Variants in LYPD6B observed in about 807,000 individuals in gnomAD.
The protein encoded by LYPD6B is LY6/PLAUR domain containing 6B, also known as ly6/PLAUR domain-containing protein 6B.
LYPD6B carries 17 observed loss-of-function variants against 22.8 expected under a neutral mutation model. The observed-to-expected ratio is 0.75, with a 90% CI of 0.51 to 1.12. The LOEUF (loss-of-function observed/expected upper bound fraction) is 1.12. LYPD6B is among the 50% of genes most tolerant of loss of function. The probability of loss-of-function intolerance (pLI) is 0.00; values close to 1 mark genes in which losing one functional copy is unlikely to be tolerated. For missense variants in LYPD6B, 221 were observed against 258.3 expected (o/e 0.86, Z 0.99); for synonymous variants, 106 against 91.6 (o/e 1.16, Z -0.90).
intron 3 of LYPD6B, among the ~76,000 whole-genome samples, chr2:149,169,298 G>A (rs964878749): frequency 8.5e-5 from 13 of 152,060 alleles, no homozygotes; most frequent in African/African-American, 3.1e-4. Flanking sequence ...AAAGCCAAAG[G>A]CAAACTCATG....
intron 1 of LYPD6B, among the ~76,000 whole-genome samples, chr2:149,084,313 G>A (rs1685286291): frequency 6.6e-6 from 1 of 152,074 alleles, no homozygotes. Context: ...TGAGTTACTG[G>A]CATTCCTCTG....
At chr2:149,041,881 C>T (rs1226320969) in intron 1 of LYPD6B, among the ~76,000 whole-genome samples, 1 of 152,172 alleles carries the variant, frequency 6.6e-6, no homozygotes, top group East Asian at 1.9e-4. Flanking sequence ...TCTGAGTTTT[C>T]CATACTCCCA....
chr2:149,085,178 T>C (rs1197912806), intron 1 of LYPD6B, among the ~76,000 whole-genome samples: 1 of 152,218 alleles, frequency 6.6e-6, no homozygotes, highest in East Asian at 1.9e-4. Flanking sequence ...AGGTTGTCCA[T>C]TGCCCAGTTA....
chr2:149,215,135 A>T lies in LYPD6B; in HGVS notation c.*425A>T, dbSNP rs1165154651. On this transcript the variant is annotated 3_prime_UTR_variant, in exon 7 of 7. Coordinates refer to ENST00000409642, the MANE Select transcript of LYPD6B (RefSeq NM_177964.5). ...CTAACCCTTCCCCTCATGAGAAAGC[A>T]GTTTTCCCCACCAACAGCATAGTCA... 6.3e-6 allele frequency: 1 copy of T among 159,570 alleles called. No homozygotes were observed. Among genetic ancestry groups the T allele is most frequent in the African/African-American group, 2.4e-5 (1 of 41,772 alleles). 9.9% of individuals were successfully genotyped at this position (159,570 alleles called of 1,614,324 possible).
At chr2:149,111,010 A>T (rs1686731146) in intron 1 of LYPD6B, among the ~76,000 whole-genome samples, 1 of 152,180 alleles carries the variant, frequency 6.6e-6, no homozygotes, top group Non-Finnish European at 1.5e-5. Context: ...GAAGGACACT[A>T]CAGGTAAATG....
At chr2:149,129,158 T>C (rs1471061415) in intron 1 of LYPD6B, among the ~76,000 whole-genome samples, 1 of 152,218 alleles carries the variant, frequency 6.6e-6, no homozygotes, top group Non-Finnish European at 1.5e-5. Flanking sequence ...CTCTGCTGGT[T>C]ATCTGCCAGG....
chr2:149,189,545 A>G (rs1342840578), intron 3 of LYPD6B, among the ~76,000 whole-genome samples: 1 of 151,806 alleles, frequency 6.6e-6, no homozygotes, highest in African/African-American at 2.4e-5. Context: ...GAGTAGGGGC[A>G]AGATAGAAAT....
At chr2:149,114,140 G>A (rs1005968507) in intron 1 of LYPD6B, among the ~76,000 whole-genome samples, 5 of 152,068 alleles carry the variant, frequency 3.3e-5, no homozygotes, top group African/African-American at 1.2e-4. Context: ...TCACATACCA[G>A]CCTCTAAATT....
chr2:149,182,453 A>G (rs1691805099), intron 3 of LYPD6B, among the ~76,000 whole-genome samples: 1 of 152,366 alleles, frequency 6.6e-6, no homozygotes. Flanking sequence ...CCATTTAATC[A>G]TCAGATAAAT....
At chr2:149,136,426 G>A (rs1056206999) in intron 2 of LYPD6B, among the ~76,000 whole-genome samples, 3 of 152,206 alleles carry the variant, frequency 2.0e-5, no homozygotes, top group Admixed American at 6.5e-5. Context: ...CAGAGACTCC[G>A]AGTCTTCATT....
chr2:149,191,785 A>G (rs983691581), intron 3 of LYPD6B, among the ~76,000 whole-genome samples: 2 of 152,244 alleles, frequency 1.3e-5, no homozygotes, highest in Non-Finnish European at 2.9e-5. Context: ...ATCCCTAACG[A>G]AAGTACTAGT....
chr2:149,120,381 A>ATTTTTTTTTTT (rs1256956846), intron 1 of LYPD6B, among the ~76,000 whole-genome samples: 1 of 43,490 alleles, frequency 2.3e-5, no homozygotes, highest in South Asian at 9.3e-4. Flanking sequence ...ATATATATAT[A>ATTTTTTTTTTT]TATTTTTTTT....
At chr2:149,183,825 A>G (rs1184776592) in intron 3 of LYPD6B, among the ~76,000 whole-genome samples, 2 of 150,770 alleles carry the variant, frequency 1.3e-5, no homozygotes, top group Admixed American at 6.7e-5. Context: ...AAATACATAC[A>G]TATACATATA....
chr2:149,105,488 C>T (rs1232887891), intron 1 of LYPD6B, among the ~76,000 whole-genome samples: 5 of 152,158 alleles, frequency 3.3e-5, no homozygotes, highest in African/African-American at 9.6e-5. Flanking sequence ...TACGTTGTTT[C>T]AGCAATGTTG....
chr2:149,183,834 T>C (rs951736069), intron 3 of LYPD6B, among the ~76,000 whole-genome samples: 1 of 145,430 alleles, frequency 6.9e-6, no homozygotes, highest in Admixed American at 7.1e-5. Context: ...CATATACATA[T>C]ATGTGTATGT....
intron 1 of LYPD6B, among the ~76,000 whole-genome samples, chr2:149,063,210 GA>G (rs1684171973): frequency 6.6e-6 from 1 of 152,118 alleles, no homozygotes; most frequent in African/African-American, 2.4e-5. Context: ...GCCAAATCTT[GA>G]CCAAATTAAA....
chr2:149,146,203 C>T (rs183487085), intron 2 of LYPD6B, among the ~76,000 whole-genome samples: 112 of 152,310 alleles, frequency 7.4e-4, no homozygotes, highest in Middle Eastern at 3.4e-3. Flanking sequence ...ATTGCAATGA[C>T]GTGGCGTGCT....
intron 1 of LYPD6B, among the ~76,000 whole-genome samples, chr2:149,103,190 T>A (rs569852876): frequency 2.0e-5 from 3 of 152,328 alleles, no homozygotes; most frequent in African/African-American, 7.2e-5. Flanking sequence ...ATTCAGCAGT[T>A]GGCACAAACA....
chr2:149,214,045 T>G (rs1394709837), intron 6 of LYPD6B, among the ~76,000 whole-genome samples: 1 of 152,216 alleles, frequency 6.6e-6, no homozygotes, highest in Non-Finnish European at 1.5e-5. Flanking sequence ...CAAGCCTTTA[T>G]TTTTTCTTAC....
Sources: allele counts gnomAD v4.1 joint callset (sites outside exome capture counted in the v4.1 genomes callset), GRCh38; gene constraint gnomAD v4.1.1; transcripts MANE v1.5; gene names NCBI Gene and HGNC (gene_info 2026-07-23, HGNC 2026-07-21).